FHIT: variants seen among roughly 807,000 people sequenced by gnomAD.
FHIT encodes the protein fragile histidine triad diadenosine triphosphatase, also known as bis(5'-adenosyl)-triphosphatase.
A neutral mutation model predicts 17.9 loss-of-function variants in FHIT; 19 were observed. That is an observed-to-expected ratio of 1.06 (90% confidence interval 0.74 to 1.56). FHIT has a LOEUF of 1.56. Among genes scored for constraint, FHIT ranks in the 40% most tolerant of loss-of-function variants. FHIT has a pLI of 0.00. For synonymous variants in FHIT, 81 were observed against 69.7 expected, an observed-to-expected ratio of 1.16 and a Z score of -0.81; for missense variants, 248 against 189.2, an observed-to-expected ratio of 1.31 and a Z score of -1.82.
At chr3:60,746,457 A>T (rs6796003) in intron 4 of FHIT, among the ~76,000 whole-genome samples, 129,649 of 152,174 alleles carry the variant, frequency 0.85, 55,329 homozygotes, top group South Asian at 0.91. Context: ...GCAGCGGCCT[A>T]TGGTTCCGCC....
At chr3:60,101,433 G>A (rs568788780) in intron 5 of FHIT, among the ~76,000 whole-genome samples, 8 of 152,248 alleles carry the variant, frequency 5.3e-5, no homozygotes, top group South Asian at 2.1e-4. Flanking sequence ...TTGCTCATCC[G>A]TTAAGTTTCA....
intron 9 of FHIT, chr3:59,751,961 A>G: frequency 2.5e-6 from 1 of 401,832 alleles, no homozygotes; most frequent in Admixed American, 4.3e-5. Context: ...CACCGCAGGA[A>G]AGACTGGAGA....
In FHIT at chr3:60,027,135, ACAC is replaced by A. The variant is rs1399588623; in HGVS notation, c.104-12986_104-12984del. On this transcript the variant is annotated intron_variant, in intron 5 of 9. Transcript: ENST00000492590. ...CACACACACACACACACACACACAC[ACAC>A]ACACACACACAAAATTAGTAAACCC... Among the ~76,000 whole-genome samples, 63 of 127,660 alleles carry A rather than the reference ACAC, an allele frequency of 4.9e-4. 2 individuals carry two copies. The highest frequency in any genetic ancestry group is 3.7e-3 in the Middle Eastern group (1 of 270). 83.7% of individuals were successfully genotyped at this position (127,660 alleles called of 152,430 possible).
chr3:60,800,159 C>T (rs1203751677), intron 4 of FHIT, among the ~76,000 whole-genome samples: 2 of 152,116 alleles, frequency 1.3e-5, no homozygotes, highest in African/African-American at 2.4e-5. Context: ...GCTGAATTTC[C>T]TTCCCCCACT....
intron 5 of FHIT, among the ~76,000 whole-genome samples, chr3:60,213,116 C>G (rs543308719): frequency 6.6e-6 from 1 of 152,122 alleles, no homozygotes; most frequent in Non-Finnish European, 1.5e-5. Flanking sequence ...GACAAGAACA[C>G]AAATCAAACT....
chr3:60,077,717 C>CATATAT lies in FHIT; in HGVS notation c.104-63566_104-63565insATATAT. Among the ~76,000 whole-genome samples the CATATAT allele has an allele frequency of 1.9e-5, 2 of 103,998 alleles. 1 individual carries two copies. Among genetic ancestry groups the CATATAT allele is most frequent in the South Asian group, 6.2e-4 (2 of 3,234 alleles). 68.2% of individuals were successfully genotyped at this position (103,998 alleles called of 152,430 possible). A position where few individuals can be genotyped will look rare whatever the true frequency, so the allele number is the denominator to read the frequency against. On this transcript the variant is annotated intron_variant, in intron 5 of 9. Transcript: ENST00000492590. ...ACACACACACACACACACACACACA[C>CATATAT]ACACACACACACATATATAGAGGGG...
At chr3:60,769,352 G>C (rs1699964171) in intron 4 of FHIT, among the ~76,000 whole-genome samples, 1 of 152,100 alleles carries the variant, frequency 6.6e-6, no homozygotes, top group African/African-American at 2.4e-5. Flanking sequence ...AGAGGGGAGA[G>C]CAGTGCCTTT....
chr3:60,298,905 A>C (rs1028269846), intron 5 of FHIT, among the ~76,000 whole-genome samples: 7 of 152,134 alleles, frequency 4.6e-5, no homozygotes, highest in African/African-American at 1.7e-4. Flanking sequence ...TAAGAAGACC[A>C]AGCAGTGCCA....
chr3:60,014,623 T>C (rs373771749), intron 5 of FHIT, among the ~76,000 whole-genome samples: 3 of 152,240 alleles, frequency 2.0e-5, no homozygotes, highest in Non-Finnish European at 4.4e-5. Flanking sequence ...AAGAAAATTA[T>C]GCAATGAACA....
chr3:60,562,883 C>T lies in FHIT; in HGVS notation c.-17-25904G>A, dbSNP rs77567888. The stretch of plus-strand genomic sequence containing the variant: ...AGAAATTTGAGGACCCAGGCATAGA[C>T]AAGGGCTGCTATTTATTGGAGGTCC... On this transcript the variant is annotated intron_variant, in intron 4 of 9. Coordinates refer to ENST00000492590, the MANE Select transcript of FHIT (RefSeq NM_002012.4). Among the ~76,000 whole-genome samples the T allele has an allele frequency of 7.2e-5, 11 of 152,152 alleles. No homozygotes were observed. The East Asian group carries it at 1.5e-3, about 21-fold the overall frequency.
At chr3:59,790,782 C>G (rs375417733) in intron 8 of FHIT, among the ~76,000 whole-genome samples, 65 of 152,274 alleles carry the variant, frequency 4.3e-4, no homozygotes, top group African/African-American at 1.5e-3. Flanking sequence ...AGCCAAATCA[C>G]TACCTGTCTT....
chr3:60,814,320 G>A (rs1701664868), intron 4 of FHIT, among the ~76,000 whole-genome samples: 1 of 152,066 alleles, frequency 6.6e-6, no homozygotes, highest in African/African-American at 2.4e-5. Flanking sequence ...ACTGAGCATA[G>A]TACTCACCAT....
chr3:59,859,052 G>C lies in FHIT; in HGVS notation c.348+63294C>G, dbSNP rs551796626. On this transcript the variant is annotated intron_variant, in intron 8 of 9. Transcript: ENST00000492590. ...TTGATTTCTAAAATCATTCTACACGGACAGGAACCAGAGCTGCTTGGAGAA... is the reference window on the plus strand; with the variant it reads ...TTGATTTCTAAAATCATTCTACACGCACAGGAACCAGAGCTGCTTGGAGAA... Among the ~76,000 whole-genome samples, 46 of 152,236 alleles carry C rather than the reference G, an allele frequency of 3.0e-4. 1 individual carries two copies. The highest frequency in any genetic ancestry group is 9.1e-4 in the African/African-American group (38 of 41,554).
chr3:60,609,406 A>G (rs1477794039), intron 4 of FHIT, among the ~76,000 whole-genome samples: 1 of 151,868 alleles, frequency 6.6e-6, no homozygotes, highest in African/African-American at 2.4e-5. Context: ...GCTCACTGCA[A>G]TCTCCGCCTC....
At chr3:60,277,570 T>C (rs931308719) in intron 5 of FHIT, among the ~76,000 whole-genome samples, 1 of 152,118 alleles carries the variant, frequency 6.6e-6, no homozygotes, top group Admixed American at 6.5e-5. Flanking sequence ...TTGCTTAAGA[T>C]CAGGGTAGGG....
intron 6 of FHIT, among the ~76,000 whole-genome samples, chr3:60,013,230 G>A (rs1398449558): frequency 1.3e-5 from 2 of 152,144 alleles, no homozygotes; most frequent in Admixed American, 6.5e-5. Flanking sequence ...AGGAAGAATG[G>A]CAAACATTCA....
chr3:59,985,359 G>A (rs1028511100), intron 7 of FHIT, among the ~76,000 whole-genome samples: 6 of 152,028 alleles, frequency 3.9e-5, no homozygotes, highest in Non-Finnish European at 5.9e-5. Flanking sequence ...GACATAGGGG[G>A]TTATTTGTAA....
At chr3:60,340,455 C>T (rs915711540) in intron 5 of FHIT, among the ~76,000 whole-genome samples, 3 of 152,174 alleles carry the variant, frequency 2.0e-5, no homozygotes, top group African/African-American at 7.2e-5. Flanking sequence ...CTTCCACCAT[C>T]CATGCCCTTC....
intron 8 of FHIT, among the ~76,000 whole-genome samples, chr3:59,784,082 G>T (rs1482621857): frequency 6.6e-6 from 1 of 152,170 alleles, no homozygotes; most frequent in South Asian, 2.1e-4. Context: ...GCCAAAAAAT[G>T]ATATAAAAAT....
Sources: allele counts gnomAD v4.1 joint callset (sites outside exome capture counted in the v4.1 genomes callset), GRCh38; gene constraint gnomAD v4.1.1; transcripts MANE v1.5; gene names NCBI Gene and HGNC (gene_info 2026-07-23, HGNC 2026-07-21).